The following PI4K2A variants were observed in gnomAD, a reference collection of about 807,000 sequenced individuals.
PI4K2A encodes the protein phosphatidylinositol 4-kinase type 2-alpha.
In PI4K2A, 20 loss-of-function variants were observed where a neutral mutation model predicts 55.0. The ratio of observed to expected loss-of-function variants is 0.36; its 90% confidence interval spans 0.26 to 0.53. The LOEUF (loss-of-function observed/expected upper bound fraction) is 0.53, where lower values mean the gene tolerates loss of function less well. Among genes scored for constraint, PI4K2A ranks in the 20% least tolerant of loss-of-function variants. The pLI is 0.91. For synonymous variants in PI4K2A, 235 were observed against 258.5 expected (o/e 0.91, Z 0.87); for missense variants, 463 against 637.1 (o/e 0.73, Z 2.94).
chr10:97,656,288 G>T lies in PI4K2A; in HGVS notation c.640G>T (p.Val214Leu). The change falls in exon 3 of 9, where the codon GTA (valine) becomes TTA (leucine). Residue 214 changes from valine to leucine, a missense_variant. Val to Leu is a conservative substitution (Grantham distance 32). Coordinates refer to ENST00000370631, the Ensembl canonical transcript of PI4K2A. This position sits in a 1 kb window ranked among gnomAD's most constrained non-coding sequence, Gnocchi z 4.5. Reference sequence around the variant, plus strand: ...TATCTCTTCTCTTTCACTGTAGGTAGTATACCTGGCCAGTGAGACCTTCAA... The same window carrying T: ...TATCTCTTCTCTTTCACTGTAGGTATTATACCTGGCCAGTGAGACCTTCAA... 6.2e-7 allele frequency: 1 copy of T among 1,613,308 alleles called. No homozygotes were observed. Among genetic ancestry groups the T allele is most frequent in the Non-Finnish European group, 8.5e-7 (1 of 1,179,262 alleles).
intron 1 of PI4K2A, among the ~76,000 whole-genome samples, chr10:97,642,834 C>T (rs867763514): frequency 0.05 from 156 of 3,146 alleles, 11 homozygotes; most frequent in South Asian, 0.28. Context: ...TTCCTTCCTT[C>T]CTTCCTTCCT....
At chr10:97,664,753 C>T (rs2041601866) in intron 5 of PI4K2A, 132 bp from the exon 6 acceptor site, 1 of 630,982 alleles carries the variant, frequency 1.6e-6, no homozygotes. Flanking sequence ...GAAGCCAGTT[C>T]AGAGAGTAGC....
chr10:97,642,786 A>T (rs879585030), intron 1 of PI4K2A, among the ~76,000 whole-genome samples: 2 of 146,736 alleles, frequency 1.4e-5, no homozygotes, highest in Non-Finnish European at 1.5e-5. Flanking sequence ...TGTCAGCCAG[A>T]GGCTTGCTTG....
At chr10:97,676,165 A>G (rs2041663667) in exon 9 of PI4K2A, 1 of 152,118 alleles carries the variant, frequency 6.6e-6, no homozygotes, top group Non-Finnish European at 1.5e-5. Context: ...TCCTGGGGCT[A>G]TTTCTCCCTA....
intron 8 of PI4K2A, 96 bp from the exon 9 acceptor site, chr10:97,673,485 A>T: frequency 1.1e-6 from 1 of 950,702 alleles, no homozygotes; most frequent in South Asian, 2.0e-5. Context: ...ATTTTAAAAA[A>T]TTGATTTGTA....
chr10:97,674,737 T>G (rs1474899749), exon 9 of PI4K2A: 1 of 152,210 alleles, frequency 6.6e-6, no homozygotes, highest in East Asian at 1.9e-4. Context: ...GGGATGAGTC[T>G]TGGCTTCCAA....
At chr10:97,649,785 A>G (rs2041522209) in intron 1 of PI4K2A, among the ~76,000 whole-genome samples, 1 of 151,432 alleles carries the variant, frequency 6.6e-6, no homozygotes, top group Non-Finnish European at 1.5e-5. Flanking sequence ...CACCATGCCC[A>G]GCTAATTTTT....
intron 4 of PI4K2A, among the ~76,000 whole-genome samples, chr10:97,659,619 A>G (rs1364962494): frequency 1.3e-5 from 2 of 151,986 alleles, no homozygotes; most frequent in East Asian, 3.9e-4. Context: ...ATCTTTCACC[A>G]TTATGATGTT....
At chr10:97,641,751 T>C (rs1214989183) in intron 1 of PI4K2A, among the ~76,000 whole-genome samples, 2 of 152,206 alleles carry the variant, frequency 1.3e-5, no homozygotes, top group Non-Finnish European at 2.9e-5. Flanking sequence ...TATTGCTCAC[T>C]TCTGGGAAAG....
intron 6 of PI4K2A, among the ~76,000 whole-genome samples, chr10:97,665,506 T>G (rs1223579164): frequency 6.6e-6 from 1 of 152,176 alleles, no homozygotes; most frequent in Non-Finnish European, 1.5e-5. Context: ...ACTCCTGACT[T>G]CAGGTGATCT....
At chr10:97,673,619 T>A in exon 9 of PI4K2A, 1 of 1,613,584 alleles carries the variant, frequency 6.2e-7, no homozygotes. Flanking sequence ...ACAACAAGAG[T>A]CCCCTGCACC....
At chr10:97,651,244 T>G in intron 2 of PI4K2A, 103 bp downstream of exon 2, 1 of 796,968 alleles carries the variant, frequency 1.3e-6, no homozygotes, top group Non-Finnish European at 2.1e-6. Context: ...TGGGGTCATT[T>G]ATACCCTAAG....
intron 1 of PI4K2A, among the ~76,000 whole-genome samples, 166 bp from the exon 2 acceptor site, chr10:97,650,775 C>T (rs1327205433): frequency 6.6e-6 from 1 of 152,204 alleles, no homozygotes; most frequent in African/African-American, 2.4e-5. Flanking sequence ...GCTGCACACA[C>T]GAGCTGGTGT....
chr10:97,643,299 G>A (rs2041487848), intron 1 of PI4K2A, among the ~76,000 whole-genome samples: 1 of 151,956 alleles, frequency 6.6e-6, no homozygotes, highest in Non-Finnish European at 1.5e-5. Context: ...TTTTTTTGTG[G>A]GCAGAGGGTA....
At chr10:97,665,561 A>G (rs2041605664) in intron 6 of PI4K2A, among the ~76,000 whole-genome samples, 1 of 152,036 alleles carries the variant, frequency 6.6e-6, no homozygotes, top group African/African-American at 2.4e-5. Context: ...GGTGTGAGCC[A>G]CTGCGCCTGG....
intron 1 of PI4K2A, among the ~76,000 whole-genome samples, chr10:97,642,836 TTCCTTCCTTC>T: frequency 5.6e-4 from 2 of 3,600 alleles, no homozygotes; most frequent in South Asian, 6.8e-3. Flanking sequence ...CCTTCCTTCC[TTCCTTCCTTC>T]CTTCCTTTCT....
rs117879502 is a variant in PI4K2A at position 97,643,618 on chromosome 10, G to A, written c.435+2441G>A. On this transcript the variant is annotated intron_variant, in intron 1 of 8. Transcript: ENST00000370631. ...CTGGCCACTATCCTTTCTCATAGGG[G>A]AAGTCCAAACACAGATGCCCTGACA... Among the ~76,000 whole-genome samples, 425 of 152,200 alleles carry A rather than the reference G, an allele frequency of 2.8e-3. 2 individuals are homozygous for A. The highest frequency in any genetic ancestry group is 0.014 in the Middle Eastern group (4 of 294).
chr10:97,663,029 T>C, intron 5 of PI4K2A, 61 bp downstream of exon 5: 8 of 1,118,392 alleles, frequency 7.2e-6, no homozygotes, highest in Non-Finnish European at 8.2e-6. Flanking sequence ...TAGAAACACA[T>C]AAAATGGTCA....
At chr10:97,657,039 G>A (rs2041558439) in intron 4 of PI4K2A, 65 bp downstream of exon 4, 1 of 1,529,472 alleles carries the variant, frequency 6.5e-7, no homozygotes, top group African/African-American at 1.4e-5. Flanking sequence ...GAGGCCTGGA[G>A]GCTTGCAGGG....
Sources: gnomAD v4.1 joint callset for allele counts (sites outside exome capture counted in the v4.1 genomes callset) on GRCh38, gnomAD v4.1.1 for gene constraint, Gnocchi (gnomAD v3.1) non-coding constraint, MANE v1.5 for transcripts, NCBI Gene and HGNC (gene_info 2026-07-23, HGNC 2026-07-21) for gene names.